Variants in HECTD4 observed in about 807,000 individuals in gnomAD.
HECTD4 encodes HECT domain E3 ubiquitin protein ligase 4.
A neutral mutation model predicts 471.5 loss-of-function variants in HECTD4; 114 were observed. That is an observed-to-expected ratio of 0.24 (90% CI 0.21 to 0.28). The LOEUF (loss-of-function observed/expected upper bound fraction) is 0.28. Among genes scored for constraint, HECTD4 ranks in the 10% least tolerant of loss-of-function variants. The pLI, the probability that HECTD4 is intolerant of heterozygous loss-of-function variation, is 1.00. For missense variants in HECTD4, 3,866 were observed against 5,651.5 expected, an observed-to-expected ratio of 0.68 and a Z score of 10.13; for synonymous variants, 2,012 against 2,256.0, an observed-to-expected ratio of 0.89 and a Z score of 3.07.
In HECTD4 at chr12:112,164,139, A is replaced by G; in HGVS notation, c.12671T>C (p.Leu4224Pro). Residue 4224 changes from leucine to proline, a missense_variant, in exon 73 of 76, where the codon CTG (leucine) becomes CCG (proline). By Grantham distance (98) the Leu-to-Pro change is moderately conservative. Coordinates refer to ENST00000682272, the MANE Select transcript of HECTD4 (RefSeq NM_001388303.1). ...AAGGATGTGCCGGCCCCGGCTGCAC[A>G]GCTCCACCTCCTCGCCCGTCATGGT... Reference protein sequence around the residue: ...YLTMTGEEVELCSRGRHILVA... With the variant: ...YLTMTGEEVEPCSRGRHILVA... 1 of 1,611,160 alleles carries G rather than the reference A, an allele frequency of 6.2e-7. No individual in the cohort carries two copies. The highest frequency in any genetic ancestry group is 1.1e-5 in the South Asian group (1 of 90,910).
chr12:112,190,843 C>T lies in HECTD4; in HGVS notation c.9415G>A (p.Glu3139Lys), dbSNP rs200538065. 1.1e-4 allele frequency: 174 copies of T among 1,586,620 alleles called. No homozygotes were observed. The highest frequency in any genetic ancestry group is 1.3e-4 in the Non-Finnish European group (150 of 1,166,610). Residue 3139 changes from glutamate (E) to lysine (K), a missense_variant, in exon 60 of 76, where the codon GAA becomes AAA. By Grantham distance (56) the Glu-to-Lys change is moderately conservative. Transcript: ENST00000682272. The part of the protein sequence containing the change: ...WKSEDSEGKS[E>K]DEPDTIPTSV... ...GTCGGAATGGTGTCAGGCTCATCTT[C>T]GGACTTCCCTTCACTGTCCTCTGAT... is the stretch of plus-strand genomic sequence containing the variant.
At position 112,179,151 on chromosome 12, in the gene HECTD4, G is replaced by C; in HGVS notation, c.11211+23C>G. The C allele has an allele frequency of 6.2e-7, 1 of 1,613,450 alleles. No individual in the cohort carries two copies. Among genetic ancestry groups the C allele is most frequent in the Non-Finnish European group, 8.5e-7 (1 of 1,179,678 alleles). On this transcript the variant is annotated intron_variant, in intron 63 of 75. Transcript: ENST00000682272. The surrounding 1 kb of genome is among the most constrained non-coding windows in gnomAD (Gnocchi z 4.3). ...GCAGGGCACCCAAGGCCCGGCCTGG[G>C]TATGGTGGGGACGGGCAGCTACCTG...
At chr12:112,206,283 C>T (rs2032577241) in intron 52 of HECTD4, among the ~76,000 whole-genome samples, 1 of 151,912 alleles carries the variant, frequency 6.6e-6, no homozygotes, top group Admixed American at 6.6e-5. Flanking sequence ...CTGTTTGAAG[C>T]CAGGAGTTCA....
intron 9 of HECTD4, among the ~76,000 whole-genome samples, chr12:112,276,905 G>T (rs1182656886): frequency 6.6e-6 from 1 of 152,174 alleles, no homozygotes; most frequent in African/African-American, 2.4e-5. Context: ...TATCCACAAA[G>T]ATGGCTATAA....
At chr12:112,249,117 G>C (rs919679437) in intron 25 of HECTD4, among the ~76,000 whole-genome samples, 1 of 152,176 alleles carries the variant, frequency 6.6e-6, no homozygotes, top group Non-Finnish European at 1.5e-5. Context: ...CACTTTGGGA[G>C]GCTGAGGCTG....
intron 1 of HECTD4, among the ~76,000 whole-genome samples, chr12:112,344,229 A>G (rs1231748347): frequency 6.6e-6 from 1 of 152,240 alleles, no homozygotes; most frequent in Non-Finnish European, 1.5e-5. Context: ...TTTAACTCCA[A>G]GTATTTCCAA....
intron 1 of HECTD4, among the ~76,000 whole-genome samples, chr12:112,371,900 A>G (rs917283122): frequency 2.0e-5 from 3 of 151,006 alleles, no homozygotes; most frequent in Admixed American, 6.6e-5. Flanking sequence ...AAAAAAAAAA[A>G]AAAAAAAGAA....
At chr12:112,289,497 A>C (rs934823117) in intron 7 of HECTD4, among the ~76,000 whole-genome samples, 2 of 152,184 alleles carry the variant, frequency 1.3e-5, no homozygotes, top group Non-Finnish European at 2.9e-5. Flanking sequence ...TATTTGGTAT[A>C]ATCAAGCTGA....
chr12:112,222,393 G>A (rs929076125), intron 44 of HECTD4, among the ~76,000 whole-genome samples: 3 of 152,208 alleles, frequency 2.0e-5, no homozygotes, highest in Non-Finnish European at 2.9e-5. Flanking sequence ...TACACTGGGT[G>A]TGGTGGCTCA....
rs929500932 is a variant in HECTD4, at chr12:112,163,677, C to T, written c.12762G>A (p.Gln4254=). The T allele has an allele frequency of 1.2e-4, 183 of 1,525,862 alleles. No homozygotes were observed. Among genetic ancestry groups the T allele is most frequent in the Non-Finnish European group, 1.5e-4 (174 of 1,136,568 alleles). The allele number at this position is 1,525,862 out of a possible 1,614,324, so 94.5% of individuals were successfully genotyped here. ...GCACGGCCGTCACGCACTCCACATT[C>T]TGCAGCTCCCGCAGCCGCAGGCTCC... The part of the protein sequence containing the change: ...AIRSLRLREL[Q]NVECVTAVRA... The change falls in exon 74 of 76, where the codon CAG becomes CAA. Residue 4254 remains glutamine, a synonymous_variant. Coordinates refer to ENST00000682272, the MANE Select transcript of HECTD4 (RefSeq NM_001388303.1). This position sits in a 1 kb window ranked among gnomAD's most constrained non-coding sequence, Gnocchi z 8.2.
At chr12:112,333,982 G>C (rs894718840) in intron 1 of HECTD4, among the ~76,000 whole-genome samples, 1 of 152,104 alleles carries the variant, frequency 6.6e-6, no homozygotes, top group African/African-American at 2.4e-5. Flanking sequence ...CCCAAGGTGG[G>C]TGGATCACCT....
intron 20 of HECTD4, chr12:112,258,262 T>C (rs2034068856): frequency 5.7e-6 from 2 of 351,056 alleles, no homozygotes; most frequent in South Asian, 1.1e-4. Flanking sequence ...TATTAGCATA[T>C]GAGAATTTCA....
intron 43 of HECTD4, 130 bp downstream of exon 43, chr12:112,227,959 G>A: frequency 1.3e-6 from 1 of 783,866 alleles, no homozygotes; most frequent in Non-Finnish European, 2.0e-6. Flanking sequence ...AATGGTTACT[G>A]TTGCTCAGTT....
rs778305113 is a variant in HECTD4 at position 112,200,880 on chromosome 12, C to CGTGT, written c.8407-83_8407-82insACAC. On this transcript the variant is annotated intron_variant, in intron 54 of 75. Transcript: ENST00000682272. ...GCGTGCGTGCGTGTGTGTGTGCGTG[C>CGTGT]GTGCGTGTGTGTGTGTGTGTGTGTG... is the stretch of plus-strand genomic sequence containing the variant. 6.9e-6 allele frequency: 8 copies of CGTGT among 1,163,444 alleles called. No homozygotes were observed. In the Admixed American group the frequency reaches 1.2e-4, roughly 18 times the overall value. The allele number at this position is 1,163,444 out of a possible 1,614,324, so 72.1% of individuals were successfully genotyped here.
intron 60 of HECTD4, among the ~76,000 whole-genome samples, chr12:112,189,641 G>A (rs921627331): frequency 4.0e-5 from 6 of 151,320 alleles, no homozygotes; most frequent in Admixed American, 1.3e-4. Flanking sequence ...GACAGGGCAC[G>A]TGTCCTCTGT....
chr12:112,267,236 C>T (rs572971662), intron 13 of HECTD4: 10 of 455,224 alleles, frequency 2.2e-5, no homozygotes, highest in East Asian at 1.2e-4. Flanking sequence ...CGACCATCCC[C>T]GATAGAGGAG....
chr12:112,216,552 G>T (rs904411524), intron 47 of HECTD4, among the ~76,000 whole-genome samples, 181 bp from the exon 48 acceptor site: 1 of 151,982 alleles, frequency 6.6e-6, no homozygotes, highest in Non-Finnish European at 1.5e-5. Context: ...TAGAATAAAG[G>T]GTTATAGAAT....
At chr12:112,363,759 G>A (rs1176588736) in intron 1 of HECTD4, among the ~76,000 whole-genome samples, 4 of 151,278 alleles carry the variant, frequency 2.6e-5, no homozygotes, top group Non-Finnish European at 4.4e-5. Flanking sequence ...GGTGGATCAC[G>A]AGGTCAGGAG....
chr12:112,258,826 A>C (rs982430646), intron 19 of HECTD4: 2 of 556,924 alleles, frequency 3.6e-6, no homozygotes, highest in Admixed American at 3.7e-5. Context: ...CTCAGGAGAC[A>C]AACTATAATG....
Sources: gnomAD v4.1 joint callset for allele counts (sites outside exome capture counted in the v4.1 genomes callset) on GRCh38, gnomAD v4.1.1 for gene constraint, Gnocchi (gnomAD v3.1) non-coding constraint, MANE v1.5 for transcripts, NCBI Gene and HGNC (gene_info 2026-07-23, HGNC 2026-07-21) for gene names.